The following TCAIM variants were observed in gnomAD, a reference collection of about 807,000 sequenced individuals.
TCAIM encodes the protein T-cell activation inhibitor, mitochondrial.
A neutral mutation model predicts 58.6 loss-of-function variants in TCAIM; 36 were observed. That is an observed-to-expected ratio of 0.61 (90% CI 0.47 to 0.81). TCAIM has a LOEUF of 0.81. TCAIM is among the 30% of genes least tolerant of loss of function. TCAIM has a pLI of 0.00. For synonymous variants in TCAIM, 172 were observed against 193.6 expected, an observed-to-expected ratio of 0.89 and a Z score of 0.93; for missense variants, 466 against 579.6, an observed-to-expected ratio of 0.80 and a Z score of 2.01.
chr3:44,398,729 C>A (rs1575279395), intron 8 of TCAIM, among the ~76,000 whole-genome samples: 1 of 152,236 alleles, frequency 6.6e-6, no homozygotes, highest in South Asian at 2.1e-4. Flanking sequence ...CACACAAACA[C>A]CTGTACATGA....
In TCAIM at chr3:44,354,828, A is replaced by G. The variant is rs781187810; in HGVS notation, c.29+17A>G. 6.2e-7 allele frequency: 1 copy of G among 1,609,566 alleles called. No individual in the cohort carries two copies. Among genetic ancestry groups the G allele is most frequent in the Non-Finnish European group, 8.5e-7 (1 of 1,178,896 alleles). ...TATGAGGAGGTAAGCATCATGGTCC[A>G]ATCTGTAATTAGTATTGTGGCGGGG... On this transcript the variant is annotated intron_variant, in intron 2 of 10. Coordinates refer to ENST00000342649, the MANE Select transcript of TCAIM (RefSeq NM_173826.4).
At chr3:44,397,913 A>C (rs1701959514) in intron 8 of TCAIM, among the ~76,000 whole-genome samples, 1 of 152,180 alleles carries the variant, frequency 6.6e-6, no homozygotes, top group Admixed American at 6.5e-5. Context: ...TATATCTGAC[A>C]AAGACATTAT....
intron 3 of TCAIM, chr3:44,358,315 G>T (rs1701238043): frequency 1.2e-6 from 1 of 835,440 alleles, no homozygotes. Flanking sequence ...TGTGCTCCAG[G>T]AATACAAACT....
intron 5 of TCAIM, among the ~76,000 whole-genome samples, chr3:44,384,100 C>A (rs1415365783): frequency 4.6e-5 from 7 of 152,056 alleles, no homozygotes; most frequent in Non-Finnish European, 8.8e-5. Flanking sequence ...TTCTCTATTT[C>A]TTTTATCTCA....
chr3:44,367,642 C>A lies in TCAIM; in HGVS notation c.506C>A (p.Ser169Tyr). 1.2e-6 allele frequency: 2 copies of A among 1,614,098 alleles called. No homozygotes were observed. Among genetic ancestry groups the A allele is most frequent in the Non-Finnish European group, 1.7e-6 (2 of 1,179,996 alleles). The change falls in exon 5 of 11, where the codon TCC becomes TAC. Residue 169 changes from serine (S) to tyrosine (Y), a missense_variant. Ser to Tyr is a moderately radical substitution (Grantham distance 144). Coordinates refer to ENST00000342649, the MANE Select transcript of TCAIM (RefSeq NM_173826.4). ...ATCAAATGGGACAAGTCTTATTACT[C>A]CTTTACTGGATTCAAGGACCCTGAT... ...RPIKWDKSYYSFTGFKDPDED... is the reference protein window; with the variant it reads ...RPIKWDKSYYYFTGFKDPDED...
At chr3:44,404,614 C>T (rs2125658568) in intron 10 of TCAIM, among the ~76,000 whole-genome samples, 1 of 152,208 alleles carries the variant, frequency 6.6e-6, no homozygotes, top group South Asian at 2.1e-4. Flanking sequence ...CCTTCCTTTG[C>T]TCTGCTGTCC....
chr3:44,402,313 G>T (rs945255518), intron 10 of TCAIM, among the ~76,000 whole-genome samples: 3 of 152,108 alleles, frequency 2.0e-5, no homozygotes, highest in Non-Finnish European at 4.4e-5. Flanking sequence ...AGGAGGCTGA[G>T]GTGGGAGGAT....
chr3:44,404,798 A>G (rs1702074280), intron 10 of TCAIM, among the ~76,000 whole-genome samples: 1 of 136,294 alleles, frequency 7.3e-6, no homozygotes, highest in South Asian at 2.8e-4. Context: ...AAGTAATTGC[A>G]GTTTTTGCCA....
intron 4 of TCAIM, among the ~76,000 whole-genome samples, chr3:44,364,200 T>TA (rs1701334926): frequency 6.6e-6 from 1 of 150,824 alleles, no homozygotes; most frequent in African/African-American, 2.4e-5. Context: ...GTGCTGGTGT[T>TA]ACAGGCATGA....
At chr3:44,363,203 A>G (rs1357828194) in intron 4 of TCAIM, among the ~76,000 whole-genome samples, 1 of 152,246 alleles carries the variant, frequency 6.6e-6, no homozygotes. Flanking sequence ...AGGAAGTTTC[A>G]CACAGCAAAT....
intron 8 of TCAIM, among the ~76,000 whole-genome samples, chr3:44,399,125 T>C (rs1335072229): frequency 6.6e-6 from 1 of 152,150 alleles, no homozygotes; most frequent in African/African-American, 2.4e-5. Context: ...ATAAAATGAA[T>C]ACACGTGTGA....
At chr3:44,370,668 G>GTT (rs1006080917) in intron 5 of TCAIM, among the ~76,000 whole-genome samples, 2 of 131,094 alleles carry the variant, frequency 1.5e-5, no homozygotes, top group Admixed American at 7.5e-5. Context: ...TAGGTTTTTT[G>GTT]TTTTTTTTTT....
intron 9 of TCAIM, 121 bp downstream of exon 9, chr3:44,400,708 C>A: frequency 1.2e-6 from 1 of 848,054 alleles, no homozygotes; most frequent in Non-Finnish European, 1.8e-6. Flanking sequence ...AAAAAAATGC[C>A]ACTACTTGTG....
At chr3:44,372,087 T>G (rs1701486761) in intron 5 of TCAIM, among the ~76,000 whole-genome samples, 2 of 147,494 alleles carry the variant, frequency 1.4e-5, no homozygotes, top group Non-Finnish European at 1.5e-5. Flanking sequence ...GATACAGTAT[T>G]AGCAAGATGT....
intron 1 of TCAIM, chr3:44,341,286 A>G (rs989803752): frequency 2.0e-5 from 3 of 152,168 alleles, no homozygotes; most frequent in East Asian, 1.9e-4. Flanking sequence ...TAAAAAGACA[A>G]TTCCCACAGC....
chr3:44,409,330 A>G lies in TCAIM; in HGVS notation c.*1648A>G, dbSNP rs1010863158. 4.6e-5 allele frequency: 7 copies of G among 152,238 alleles called. No individual in the cohort carries two copies. Among genetic ancestry groups the G allele is most frequent in the African/African-American group, 1.7e-4 (7 of 41,466 alleles). The allele number at this position is 152,238 out of a possible 1,614,324, so 9.4% of individuals were successfully genotyped here. ...TAAGTGTTATATAAGAAAATATATT[A>G]GAAAATCAGCTTTGGATTATACGAT... is the stretch of plus-strand genomic sequence containing the variant. On this transcript the variant is annotated 3_prime_UTR_variant, in exon 11 of 11. Transcript: ENST00000342649.
At chr3:44,375,716 G>A (rs1416722099) in intron 5 of TCAIM, among the ~76,000 whole-genome samples, 1 of 152,216 alleles carries the variant, frequency 6.6e-6, no homozygotes, top group Non-Finnish European at 1.5e-5. Flanking sequence ...GTGTTGGTGA[G>A]CAGGTAGGGA....
At chr3:44,366,791 G>A (rs1349504982) in intron 4 of TCAIM, among the ~76,000 whole-genome samples, 3 of 151,954 alleles carry the variant, frequency 2.0e-5, no homozygotes, top group East Asian at 1.9e-4. Flanking sequence ...TAGTAGAGAC[G>A]GGGTTTCACC....
intron 5 of TCAIM, among the ~76,000 whole-genome samples, chr3:44,371,828 G>T (rs904201414): frequency 2.0e-5 from 3 of 152,074 alleles, no homozygotes; most frequent in Non-Finnish European, 4.4e-5. Flanking sequence ...CATAAAAGCT[G>T]GAATGGTATC....
Sources: allele counts gnomAD v4.1 joint callset (sites outside exome capture counted in the v4.1 genomes callset), GRCh38; gene constraint gnomAD v4.1.1; transcripts MANE v1.5; gene names NCBI Gene and HGNC (gene_info 2026-07-23, HGNC 2026-07-21).